Variants in SLC14A2 observed in about 807,000 individuals in gnomAD.
The protein encoded by SLC14A2 is urea transporter 2.
A neutral mutation model predicts 104.6 loss-of-function variants in SLC14A2; 91 were observed. The observed-to-expected ratio is 0.87, with a 90% CI of 0.73 to 1.04. The LOEUF (loss-of-function observed/expected upper bound fraction) is 1.04. Among genes scored for constraint, SLC14A2 ranks in the 50% least tolerant of loss-of-function variants. The probability of loss-of-function intolerance (pLI) is 0.00; values close to 1 mark genes in which losing one functional copy is unlikely to be tolerated. For missense variants in SLC14A2, 1,189 were observed against 1,156.0 expected, an observed-to-expected ratio of 1.03 and a Z score of -0.41; for synonymous variants, 476 against 466.4, an observed-to-expected ratio of 1.02 and a Z score of -0.27.
intron 2 of SLC14A2, among the ~76,000 whole-genome samples, chr18:45,540,064 C>T (rs117400058): frequency 0.033 from 4,991 of 152,060 alleles, 107 homozygotes; most frequent in Middle Eastern, 0.058. Flanking sequence ...CTTTCCTTTC[C>T]TTTCTTTTTT....
At chr18:45,398,499 G>C (rs2086060506) in intron 1 of SLC14A2, among the ~76,000 whole-genome samples, 1 of 152,136 alleles carries the variant, frequency 6.6e-6, no homozygotes, top group South Asian at 2.1e-4. Flanking sequence ...GTACACCAAT[G>C]TTTATGGCAG....
chr18:45,418,814 C>T (rs544885943), intron 1 of SLC14A2, among the ~76,000 whole-genome samples: 4 of 152,094 alleles, frequency 2.6e-5, no homozygotes, highest in Non-Finnish European at 5.9e-5. Flanking sequence ...AATCCCTGTT[C>T]AACTAGCTTT....
At chr18:45,616,571 GA>G (rs1427776834) in intron 1 of SLC14A2, among the ~76,000 whole-genome samples, 3 of 152,182 alleles carry the variant, frequency 2.0e-5, no homozygotes, top group African/African-American at 7.2e-5. Context: ...GCAAGGTGGA[GA>G]AAAACTGGGG....
the SLC14A2 span, among the ~76,000 whole-genome samples, chr18:45,194,551 C>T: frequency 2.0e-5 from 3 of 151,644 alleles, no homozygotes; most frequent in African/African-American, 4.8e-5. Context: ...TCCATTTGGT[C>T]ATGAAATAGT....
intron 1 of SLC14A2, among the ~76,000 whole-genome samples, chr18:45,240,529 C>A (rs940564372): frequency 1.3e-5 from 2 of 151,880 alleles, no homozygotes; most frequent in African/African-American, 4.8e-5. Context: ...CCTTTTAGAT[C>A]TTCTATGTTC....
chr18:45,250,533 C>T (rs896566570), intron 1 of SLC14A2, among the ~76,000 whole-genome samples: 4 of 151,780 alleles, frequency 2.6e-5, no homozygotes, highest in African/African-American at 7.3e-5. Flanking sequence ...TCCTTTCCAT[C>T]GTTGCTGTAC....
At chr18:45,184,085 A>T in the SLC14A2 span, among the ~76,000 whole-genome samples, 1 of 151,650 alleles carries the variant, frequency 6.6e-6, no homozygotes, top group South Asian at 2.1e-4. Context: ...GGAACTATTC[A>T]TTCTACACAT....
chr18:45,541,007 C>T (rs1292223089), intron 2 of SLC14A2, among the ~76,000 whole-genome samples: 2 of 152,146 alleles, frequency 1.3e-5, no homozygotes, highest in African/African-American at 2.4e-5. Context: ...GGAGGAATGT[C>T]TTATTTCAGC....
intron 2 of SLC14A2, among the ~76,000 whole-genome samples, chr18:45,586,075 A>C (rs2044562835): frequency 6.6e-6 from 1 of 152,218 alleles, no homozygotes; most frequent in South Asian, 2.1e-4. Context: ...GTTAATACAT[A>C]TATAATACAC....
At chr18:45,524,768 G>T (rs1440855585) in intron 2 of SLC14A2, among the ~76,000 whole-genome samples, 2 of 152,116 alleles carry the variant, frequency 1.3e-5, no homozygotes, top group African/African-American at 4.8e-5. Context: ...TGCCTCACCT[G>T]CCTTATCTGG....
chr18:45,192,420 G>T, the SLC14A2 span, among the ~76,000 whole-genome samples: 1 of 152,158 alleles, frequency 6.6e-6, no homozygotes, highest in African/African-American at 2.4e-5. Flanking sequence ...GTTTTTATTT[G>T]CCTTGAGTAA....
At chr18:45,475,642 G>GTT (rs2087352692) in intron 1 of SLC14A2, among the ~76,000 whole-genome samples, 1 of 49,228 alleles carries the variant, frequency 2.0e-5, no homozygotes, top group African/African-American at 7.5e-5. Flanking sequence ...ATATATTTAG[G>GTT]ATATATATAT....
intron 2 of SLC14A2, among the ~76,000 whole-genome samples, chr18:45,512,129 T>C (rs1488631053): frequency 6.6e-6 from 1 of 152,164 alleles, no homozygotes. Context: ...GGAGCCCAGA[T>C]GCATGTACAG....
chr18:45,350,567 G>C (rs892273747), intron 1 of SLC14A2, among the ~76,000 whole-genome samples: 2 of 152,110 alleles, frequency 1.3e-5, no homozygotes, highest in African/African-American at 4.8e-5. Context: ...TGTGTGGCTG[G>C]ACTAGTTTAT....
chr18:45,577,881 G>A (rs967252887), intron 2 of SLC14A2, among the ~76,000 whole-genome samples: 5 of 152,200 alleles, frequency 3.3e-5, no homozygotes, highest in African/African-American at 1.2e-4. Flanking sequence ...CTTAATGAAG[G>A]ACATGGCATT....
intron 1 of SLC14A2, among the ~76,000 whole-genome samples, chr18:45,439,266 A>C (rs2086645491): frequency 6.6e-6 from 1 of 152,104 alleles, no homozygotes; most frequent in Non-Finnish European, 1.5e-5. Context: ...GCAACAGAGC[A>C]AGACTCTATC....
At chr18:45,336,875 C>G (rs1599685007) in intron 1 of SLC14A2, among the ~76,000 whole-genome samples, 1 of 152,100 alleles carries the variant, frequency 6.6e-6, no homozygotes, top group East Asian at 1.9e-4. Context: ...GTTCTTAAGT[C>G]AATTGATTGA....
chr18:45,191,789 A>G, the SLC14A2 span, among the ~76,000 whole-genome samples: 1 of 152,102 alleles, frequency 6.6e-6, no homozygotes, highest in Non-Finnish European at 1.5e-5. Flanking sequence ...TGGGTAATTT[A>G]TGTAGTAATT....
intron 1 of SLC14A2, among the ~76,000 whole-genome samples, chr18:45,339,950 T>C (rs1312879509): frequency 1.3e-5 from 2 of 152,192 alleles, no homozygotes; most frequent in Non-Finnish European, 2.9e-5. Context: ...GATTAAAGCA[T>C]AAGGAAAACG....
Sources: gnomAD v4.1 joint callset for allele counts (sites outside exome capture counted in the v4.1 genomes callset) on GRCh38, gnomAD v4.1.1 for gene constraint, MANE v1.5 for transcripts, NCBI Gene and HGNC (gene_info 2026-07-23, HGNC 2026-07-21) for gene names.